The following SLC35F4 variants were observed in gnomAD, a reference collection of about 807,000 sequenced individuals.
SLC35F4 encodes the protein chromosome 14 open reading frame 36.
In SLC35F4, 24 loss-of-function variants were observed where a neutral mutation model predicts 44.2. The observed-to-expected ratio is 0.54, with a 90% confidence interval of 0.39 to 0.76. The LOEUF (loss-of-function observed/expected upper bound fraction) is 0.76, where lower values mean the gene tolerates loss of function less well. SLC35F4 is among the 30% of genes least tolerant of loss of function. SLC35F4 has a pLI of 0.00. For synonymous variants in SLC35F4, 238 were observed against 223.6 expected (o/e 1.06, Z -0.57); for missense variants, 562 against 586.1 (o/e 0.96, Z 0.42).
chr14:57,666,709 TCTTTTTTTTTTTTTCAA>T (rs1292263050), intron 1 of SLC35F4, among the ~76,000 whole-genome samples: 2 of 147,112 alleles, frequency 1.4e-5, no homozygotes, highest in Non-Finnish European at 3.0e-5. Flanking sequence ...AAAAGGAACT[TCTTTTTTTTTTTTTCAA>T]CTGACTGTAG....
chr14:57,978,006 G>C (rs904208830), intron 1 of SLC35F4, among the ~76,000 whole-genome samples: 11 of 152,112 alleles, frequency 7.2e-5, no homozygotes, highest in African/African-American at 2.7e-4. Flanking sequence ...AAAGATTCGA[G>C]AAAAGAAAGT....
chr14:57,773,047 A>G (rs561115738), intron 1 of SLC35F4, among the ~76,000 whole-genome samples: 15 of 152,162 alleles, frequency 9.9e-5, no homozygotes, highest in Non-Finnish European at 1.8e-4. Flanking sequence ...AATAGTAACC[A>G]TTATGACTGA....
intron 1 of SLC35F4, among the ~76,000 whole-genome samples, chr14:57,772,004 C>T (rs2077376401): frequency 6.6e-6 from 1 of 152,180 alleles, no homozygotes; most frequent in Non-Finnish European, 1.5e-5. Context: ...TTATCTTTGA[C>T]ATTATAATCC....
chr14:57,689,143 T>TG (rs2075153373), intron 1 of SLC35F4, among the ~76,000 whole-genome samples: 1 of 152,182 alleles, frequency 6.6e-6, no homozygotes, highest in Non-Finnish European at 1.5e-5. Flanking sequence ...TTCCACAAAA[T>TG]GAACTAACTT....
At chr14:57,802,349 T>C (rs988177412) in intron 1 of SLC35F4, among the ~76,000 whole-genome samples, 3 of 152,040 alleles carry the variant, frequency 2.0e-5, no homozygotes, top group African/African-American at 7.2e-5. Flanking sequence ...GGGATACTTA[T>C]GCACCAAATG....
chr14:57,853,367 T>C (rs1380317209), intron 1 of SLC35F4, among the ~76,000 whole-genome samples: 1 of 152,194 alleles, frequency 6.6e-6, no homozygotes, highest in Admixed American at 6.6e-5. Context: ...TAATTTGATA[T>C]AAAAAATGCA....
chr14:57,809,390 AT>A (rs1881709771), intron 1 of SLC35F4, among the ~76,000 whole-genome samples: 1 of 152,096 alleles, frequency 6.6e-6, no homozygotes, highest in Non-Finnish European at 1.5e-5. Flanking sequence ...GATTCATGGC[AT>A]TTGCAGTCCT....
chr14:57,567,788 C>T (rs1320722925), intron 6 of SLC35F4, among the ~76,000 whole-genome samples: 4 of 152,148 alleles, frequency 2.6e-5, no homozygotes, highest in African/African-American at 9.7e-5. Flanking sequence ...TGGGGCCTAG[C>T]CTGAGTTTAA....
At chr14:57,655,469 G>A (rs1037571704) in intron 1 of SLC35F4, among the ~76,000 whole-genome samples, 1 of 152,088 alleles carries the variant, frequency 6.6e-6, no homozygotes, top group Admixed American at 6.6e-5. Flanking sequence ...GCGCTGTGGA[G>A]TCTTATCCCA....
At chr14:57,647,804 G>A (rs889728112) in intron 1 of SLC35F4, among the ~76,000 whole-genome samples, 5 of 151,956 alleles carry the variant, frequency 3.3e-5, no homozygotes, top group African/African-American at 7.3e-5. Context: ...ATATGTAATC[G>A]GGTTCTTCAT....
chr14:57,785,705 T>C (rs749039700), intron 1 of SLC35F4, among the ~76,000 whole-genome samples: 23 of 152,148 alleles, frequency 1.5e-4, no homozygotes, highest in Admixed American at 1.1e-3. Flanking sequence ...TACCTGGAGC[T>C]GAGTCCATTT....
chr14:57,926,734 G>T (rs1046513206), intron 1 of SLC35F4, among the ~76,000 whole-genome samples: 11 of 146,474 alleles, frequency 7.5e-5, no homozygotes, highest in Non-Finnish European at 1.0e-4. Context: ...TTGGGGGGGG[G>T]GGGTGGATAT....
intron 1 of SLC35F4, among the ~76,000 whole-genome samples, chr14:57,756,815 T>C (rs978373454): frequency 6.8e-5 from 10 of 147,482 alleles, no homozygotes; most frequent in African/African-American, 2.2e-4. Context: ...CCACCAAATC[T>C]GCCTAATTTT....
At chr14:57,876,106 T>G (rs1358649778) in intron 1 of SLC35F4, among the ~76,000 whole-genome samples, 1 of 152,182 alleles carries the variant, frequency 6.6e-6, no homozygotes, top group East Asian at 1.9e-4. Flanking sequence ...ATTCCAAACC[T>G]TTTGACTTCA....
intron 1 of SLC35F4, among the ~76,000 whole-genome samples, chr14:57,877,728 C>T: frequency 7.4e-6 from 1 of 135,566 alleles, no homozygotes; most frequent in South Asian, 2.3e-4. Flanking sequence ...CTCTGTTACC[C>T]AGGCTGGAGT....
At chr14:57,735,994 C>T (rs2076454751) in intron 1 of SLC35F4, among the ~76,000 whole-genome samples, 1 of 152,156 alleles carries the variant, frequency 6.6e-6, no homozygotes, top group Non-Finnish European at 1.5e-5. Flanking sequence ...GGATTACAGG[C>T]ACAAGTCACT....
intron 1 of SLC35F4, among the ~76,000 whole-genome samples, chr14:57,710,297 T>C (rs1014888116): frequency 6.6e-6 from 1 of 152,238 alleles, no homozygotes; most frequent in Non-Finnish European, 1.5e-5. Flanking sequence ...AAGTCAAGAA[T>C]TGAGCTTTTG....
intron 1 of SLC35F4, among the ~76,000 whole-genome samples, chr14:57,789,815 T>C (rs1181090121): frequency 6.6e-6 from 1 of 152,196 alleles, no homozygotes; most frequent in East Asian, 1.9e-4. Context: ...GTTGGCTTCA[T>C]CCCTGGAATG....
At chr14:57,672,837 C>T (rs2074563681) in intron 1 of SLC35F4, among the ~76,000 whole-genome samples, 1 of 151,702 alleles carries the variant, frequency 6.6e-6, no homozygotes, top group East Asian at 1.9e-4. Flanking sequence ...GAAAGTGAGC[C>T]ACTGGCAAAG....
Sources: allele counts gnomAD v4.1 joint callset (sites outside exome capture counted in the v4.1 genomes callset), GRCh38; gene constraint gnomAD v4.1.1; transcripts MANE v1.5; gene names NCBI Gene and HGNC (gene_info 2026-07-23, HGNC 2026-07-21).